Variants in DEDD2 observed in about 807,000 individuals in gnomAD.
DEDD2 encodes DNA-binding death effector domain-containing protein 2.
Under a neutral mutation model 28.9 loss-of-function variants are expected in DEDD2, and 18 were observed. The observed-to-expected ratio is 0.62, with a 90% CI of 0.43 to 0.92. The LOEUF (loss-of-function observed/expected upper bound fraction) is 0.92. Among genes scored for constraint, DEDD2 ranks in the 40% least tolerant of loss-of-function variants. The pLI, the probability that DEDD2 is intolerant of heterozygous loss-of-function variation, is 0.00. For synonymous variants in DEDD2, 211 were observed against 206.1 expected (o/e 1.02, Z -0.20); for missense variants, 411 against 463.3 (o/e 0.89, Z 1.04).
upstream of DEDD2, among the ~76,000 whole-genome samples, chr19:42,219,577 G>C (rs1384350869): frequency 6.6e-6 from 1 of 152,240 alleles, no homozygotes; most frequent in Non-Finnish European, 1.5e-5. Context: ...ACTCCAGTCT[G>C]GGCGACAGAG....
chr19:42,218,364 G>A (rs542803474), upstream of DEDD2, among the ~76,000 whole-genome samples: 8 of 151,514 alleles, frequency 5.3e-5, no homozygotes, highest in South Asian at 1.7e-3. Context: ...TGTACATCTC[G>A]ATGGCGTCCA....
Position 42,199,142 on chromosome 19 carries a change from T to G in DEDD2, c.*296A>C. On this transcript the variant is annotated 3_prime_UTR_variant, in exon 5 of 5. Transcript: ENST00000596251. The surrounding 1 kb of genome is among the most constrained non-coding windows in gnomAD (Gnocchi z 7.4). Reference sequence around the variant, plus strand: ...GAGATACAATGTGCAGGGGGGCCTTTGGTGAGTGTGTAGCTGTGCCCCTCC... The same window carrying G: ...GAGATACAATGTGCAGGGGGGCCTTGGGTGAGTGTGTAGCTGTGCCCCTCC... 1 of 441,102 alleles carries G rather than the reference T, an allele frequency of 2.3e-6. No individual in the cohort carries two copies. The allele number at this position is 441,102 out of a possible 1,614,324, so 27.3% of individuals were successfully genotyped here.
At chr19:42,218,916 G>A (rs910311618), upstream of DEDD2, among the ~76,000 whole-genome samples, 3 of 152,134 alleles carry the variant, frequency 2.0e-5, no homozygotes, top group Non-Finnish European at 4.4e-5. Flanking sequence ...CTACTTGGGA[G>A]GCTGAGACAA....
chr19:42,209,934 C>T, intron 3 of DEDD2, 94 bp from the exon 4 acceptor site: 3 of 1,410,872 alleles, frequency 2.1e-6, no homozygotes, highest in Non-Finnish European at 2.8e-6. Flanking sequence ...GTTCTCGGTG[C>T]TGAGACCCTG....
chr19:42,204,883 A>C (rs906176099), intron 4 of DEDD2, among the ~76,000 whole-genome samples: 1 of 152,082 alleles, frequency 6.6e-6, no homozygotes, highest in East Asian at 1.9e-4. Flanking sequence ...TGTCAAATGG[A>C]AAGTTTTTCA....
chr19:42,216,821 G>C lies in DEDD2; in HGVS notation c.187C>G (p.Arg63Gly), dbSNP rs1386678842. Residue 63 changes from arginine (R) to glycine (G), a missense_variant, in exon 2 of 5, where the codon CGC becomes GGC. Arg to Gly is a moderately radical substitution (Grantham distance 125, BLOSUM62 -2). Coordinates refer to ENST00000596251, the MANE Select transcript of DEDD2 (RefSeq NM_133328.4). The part of the protein sequence containing the change: ...PGAAGGLARA[R>G]SGLELLLELE... ...TCCAGCAGGAGCTCTAGGCCGCTGC[G>C]GGCCCGGGCTAAGCCTCCGGCGGCG... 1.3e-6 allele frequency: 2 copies of C among 1,583,262 alleles called. No individual in the cohort carries two copies. Among genetic ancestry groups the C allele is most frequent in the Admixed American group, 1.8e-5 (1 of 55,672 alleles).
At position 42,216,828 on chromosome 19, in the gene DEDD2, G is replaced by T. The variant is rs780915867; in HGVS notation, c.180C>A (p.Ala60=). The part of the protein sequence containing the change: ...DEAPGAAGGL[A]RARSGLELLL... ...GGAGCTCTAGGCCGCTGCGGGCCCGGGCTAAGCCTCCGGCGGCGCCAGGAG... is the reference window on the plus strand; with the variant it reads ...GGAGCTCTAGGCCGCTGCGGGCCCGTGCTAAGCCTCCGGCGGCGCCAGGAG... Residue 60 remains alanine (A), a synonymous_variant, in exon 2 of 5, where the codon GCC becomes GCA. Coordinates refer to ENST00000596251, the MANE Select transcript of DEDD2 (RefSeq NM_133328.4). The T allele has an allele frequency of 6.3e-7, 1 of 1,585,436 alleles. No individual in the cohort carries two copies. The highest frequency in any genetic ancestry group is 2.3e-5 in the East Asian group (1 of 43,030).
At chr19:42,205,420 G>A (rs749165542) in intron 4 of DEDD2, among the ~76,000 whole-genome samples, 1 of 151,868 alleles carries the variant, frequency 6.6e-6, no homozygotes, top group African/African-American at 2.4e-5. Context: ...ACCTGAGGTC[G>A]GGAGTTCGAG....
In DEDD2 at chr19:42,199,637, G is replaced by C; in HGVS notation, c.782C>G (p.Ala261Gly). The change falls in exon 5 of 5, where the codon GCC becomes GGC. Residue 261 changes from alanine to glycine, a missense_variant. By Grantham distance (60) the Ala-to-Gly change is moderately conservative (BLOSUM62 0). Transcript: ENST00000596251. The surrounding 1 kb of genome is among the most constrained non-coding windows in gnomAD (Gnocchi z 7.4). ...IKFSELSYLD[A>G]FWGDYLSGAL... ...GCCACTCAGGTAGTCGCCCCAGAAGGCGTCCAGATAGGAGAGCTCTGAGAA... is the reference window on the plus strand; with the variant it reads ...GCCACTCAGGTAGTCGCCCCAGAAGCCGTCCAGATAGGAGAGCTCTGAGAA... 6.2e-7 allele frequency: 1 copy of C among 1,614,140 alleles called. No individual in the cohort carries two copies. Among genetic ancestry groups the C allele is most frequent in the Non-Finnish European group, 8.5e-7 (1 of 1,179,988 alleles).
At chr19:42,209,554 A>G in intron 4 of DEDD2, 146 bp downstream of exon 4, 1 of 1,230,842 alleles carries the variant, frequency 8.1e-7, no homozygotes, top group Non-Finnish European at 1.1e-6. Flanking sequence ...ATGGCGAGAG[A>G]AAGGACAAGA....
At chr19:42,200,650 C>T (rs1310409589) in intron 4 of DEDD2, among the ~76,000 whole-genome samples, 3 of 152,222 alleles carry the variant, frequency 2.0e-5, no homozygotes, top group African/African-American at 4.8e-5. Flanking sequence ...CTGGGAGCCA[C>T]TGTGCCAAGA....
intron 4 of DEDD2, chr19:42,201,955 C>A: frequency 2.5e-6 from 1 of 398,836 alleles, no homozygotes; most frequent in East Asian, 3.6e-5. Flanking sequence ...TGGTTGGCCA[C>A]AGAGGCAGGG....
At chr19:42,203,777 A>T (rs2035422866) in intron 4 of DEDD2, among the ~76,000 whole-genome samples, 1 of 152,194 alleles carries the variant, frequency 6.6e-6, no homozygotes, top group Non-Finnish European at 1.5e-5. Context: ...CTGTGCTGTG[A>T]AGTGGCAGGT....
Position 42,217,014 on chromosome 19 carries a change from G to C in DEDD2, c.-7C>G, listed in dbSNP as rs1421649276. On this transcript the variant is annotated 5_prime_UTR_variant, in exon 2 of 5. Coordinates refer to ENST00000596251, the MANE Select transcript of DEDD2 (RefSeq NM_133328.4). The stretch of plus-strand genomic sequence containing the variant: ...TCGACCCGGATAGCGCCATTCCCGG[G>C]GGAGGGAGGCGGAACAAGCTCAGAA... 2.5e-6 allele frequency: 4 copies of C among 1,572,706 alleles called. No homozygotes were observed. The highest frequency in any genetic ancestry group is 3.4e-6 in the Non-Finnish European group (4 of 1,159,714).
Position 42,199,721 on chromosome 19 carries a change from C to G in DEDD2, c.698G>C (p.Gly233Ala). 1 of 1,613,874 alleles carries G rather than the reference C, an allele frequency of 6.2e-7. No homozygotes were observed. Among genetic ancestry groups the G allele is most frequent in the South Asian group, 1.1e-5 (1 of 91,078 alleles). The change falls in exon 5 of 5, where the codon GGG (glycine) becomes GCG (alanine). Residue 233 changes from glycine (G) to alanine (A), a missense_variant. Physicochemically the swap from Gly to Ala is moderately conservative, Grantham distance 60 (BLOSUM62 0). Transcript: ENST00000596251. This position sits in a 1 kb window ranked among gnomAD's most constrained non-coding sequence, Gnocchi z 7.4. ...TGAGCGCAGCACTGCGGTGGCCTGC[C>G]CAAACACGTCCAGCTGCCGCGCCAG... ...QALARQLDVFGQATAVLRSRD... is the reference protein window; with the variant it reads ...QALARQLDVFAQATAVLRSRD...
At position 42,209,744 on chromosome 19, in the gene DEDD2, T is replaced by C. The variant is rs769670210; in HGVS notation, c.545A>G (p.Gln182Arg). Residue 182 changes from glutamine (Q) to arginine (R), a missense_variant, in exon 4 of 5, where the codon CAG (glutamine) becomes CGG (arginine). By Grantham distance (43) the Gln-to-Arg change is conservative. This residue lies in a region of DEDD2 where 282 missense variants were observed against 273.4 expected (regional missense o/e 1.03). Coordinates refer to ENST00000596251, the MANE Select transcript of DEDD2 (RefSeq NM_133328.4). ...RRGAPAAPQQ[Q>R]SEPARPSSEG... ...AGAGGAAGGTCTGGCGGGCTCTGAC[T>C]GCTGCTGGGGTGCGGCTGGGGCCCC... 1 of 1,607,768 alleles carries C rather than the reference T, an allele frequency of 6.2e-7. No individual in the cohort carries two copies. The highest frequency in any genetic ancestry group is 8.5e-7 in the Non-Finnish European group (1 of 1,177,262).
chr19:42,217,424 C>T (rs2036027869), intron 1 of DEDD2, among the ~76,000 whole-genome samples: 1 of 152,158 alleles, frequency 6.6e-6, no homozygotes, highest in Non-Finnish European at 1.5e-5. Flanking sequence ...CTGATGAGTC[C>T]CCCGGCTCTA....
intron 1 of DEDD2, 86 bp from the exon 2 acceptor site, chr19:42,217,131 T>C (rs1266887825): frequency 2.7e-6 from 3 of 1,096,466 alleles, no homozygotes; most frequent in Non-Finnish European, 3.9e-6. Flanking sequence ...CCCCGCCCAA[T>C]CGCGCCGGGC....
intron 4 of DEDD2, chr19:42,202,103 T>G (rs1182435996): frequency 5.0e-6 from 2 of 398,604 alleles, no homozygotes; most frequent in Non-Finnish European, 8.8e-6. Flanking sequence ...AGGTCCCTGC[T>G]GCACATTGAA....
Sources: allele counts gnomAD v4.1 joint callset (sites outside exome capture counted in the v4.1 genomes callset), GRCh38; gene constraint gnomAD v4.1.1; regional missense constraint gnomAD v4.1.1; non-coding constraint Gnocchi (gnomAD v3.1); transcripts MANE v1.5; gene names NCBI Gene and HGNC (gene_info 2026-07-23, HGNC 2026-07-21).